Variants in IQCM observed in about 807,000 individuals in gnomAD.
IQCM encodes IQ domain-containing protein M.
A neutral mutation model predicts 57.6 loss-of-function variants in IQCM; 45 were observed. That is an observed-to-expected ratio of 0.78 (90% CI 0.62 to 1.00). The LOEUF is 1.00. Ranked by LOEUF, IQCM falls within the 50% of genes least tolerant of loss-of-function variation. IQCM has a pLI of 0.00. For synonymous variants in IQCM, 148 were observed against 158.9 expected (o/e 0.93, Z 0.51); for missense variants, 468 against 511.6 (o/e 0.91, Z 0.82).
intron 5 of IQCM, among the ~76,000 whole-genome samples, chr4:149,717,242 G>A (rs1405556939): frequency 6.6e-6 from 1 of 152,114 alleles, no homozygotes; most frequent in African/African-American, 2.4e-5. Flanking sequence ...GAAGTGACGG[G>A]CAGTTTGAGG....
intron 13 of IQCM, among the ~76,000 whole-genome samples, chr4:149,372,610 C>T (rs907551601): frequency 1.3e-5 from 2 of 152,112 alleles, no homozygotes; most frequent in African/African-American, 4.8e-5. Flanking sequence ...ATTGGGTTTT[C>T]TGACCATAAC....
chr4:149,617,200 C>T (rs979870271), intron 8 of IQCM, among the ~76,000 whole-genome samples: 1 of 152,082 alleles, frequency 6.6e-6, no homozygotes, highest in Non-Finnish European at 1.5e-5. Context: ...GGTGATCCAC[C>T]TGCCTCAGCC....
intron 12 of IQCM, among the ~76,000 whole-genome samples, chr4:149,499,808 A>G (rs184571279): frequency 9.3e-4 from 141 of 152,320 alleles, no homozygotes; most frequent in Non-Finnish European, 1.2e-3. Flanking sequence ...TAGACTGACT[A>G]AAATAGTAGA....
intron 12 of IQCM, among the ~76,000 whole-genome samples, chr4:149,449,405 T>TTA (rs945492212): frequency 1.4e-5 from 2 of 144,806 alleles, no homozygotes; most frequent in Non-Finnish European, 3.0e-5. Context: ...ATATTTATAT[T>TTA]TATATATATA....
intron 5 of IQCM, among the ~76,000 whole-genome samples, chr4:149,728,588 T>C (rs1284424920): frequency 6.6e-6 from 1 of 152,208 alleles, no homozygotes; most frequent in Non-Finnish European, 1.5e-5. Flanking sequence ...GGGAGCCACA[T>C]TGGGAGGAGA....
chr4:149,378,712 G>C (rs1181888772), intron 13 of IQCM, among the ~76,000 whole-genome samples: 1 of 152,188 alleles, frequency 6.6e-6, no homozygotes, highest in Non-Finnish European at 1.5e-5. Flanking sequence ...TTTGCAGCCT[G>C]ACAATGTAAT....
intron 11 of IQCM, among the ~76,000 whole-genome samples, chr4:149,551,404 A>G (rs1302218844): frequency 1.3e-5 from 2 of 152,244 alleles, no homozygotes; most frequent in African/African-American, 4.8e-5. Flanking sequence ...GGATGCAAAA[A>G]TATTGAAATC....
chr4:149,584,416 C>T (rs760162525), intron 9 of IQCM, among the ~76,000 whole-genome samples: 4 of 151,448 alleles, frequency 2.6e-5, no homozygotes, highest in African/African-American at 9.7e-5. Context: ...AAATGTTGAG[C>T]ATAGGTGTAT....
intron 12 of IQCM, among the ~76,000 whole-genome samples, chr4:149,440,664 G>A (rs982608079): frequency 3.3e-5 from 5 of 152,050 alleles, no homozygotes; most frequent in South Asian, 2.1e-4. Flanking sequence ...GTAATACCAC[G>A]CTATTTCAGT....
At chr4:149,740,615 C>A (rs1330334550) in intron 3 of IQCM, among the ~76,000 whole-genome samples, 1 of 152,104 alleles carries the variant, frequency 6.6e-6, no homozygotes, top group Admixed American at 6.6e-5. Flanking sequence ...GGAAGCCAGG[C>A]TAAGGCAGTG....
At chr4:149,451,702 T>C (rs1737139642) in intron 12 of IQCM, among the ~76,000 whole-genome samples, 1 of 151,762 alleles carries the variant, frequency 6.6e-6, no homozygotes, top group Non-Finnish European at 1.5e-5. Flanking sequence ...AGCTTTTTTC[T>C]CGTAAATTTT....
At chr4:149,760,444 T>C (rs1405126032) in intron 2 of IQCM, among the ~76,000 whole-genome samples, 2 of 152,082 alleles carry the variant, frequency 1.3e-5, no homozygotes, top group Non-Finnish European at 2.9e-5. Context: ...GTGAACTTAA[T>C]TGTCCTTTTA....
chr4:149,358,880 A>ATATACTCTCATGAGTATCTCAT, intron 13 of IQCM, among the ~76,000 whole-genome samples: 1 of 151,094 alleles, frequency 6.6e-6, no homozygotes, highest in Non-Finnish European at 1.5e-5. Flanking sequence ...GTATATCATG[A>ATATACTCTCATGAGTATCTCAT]GACCACAGTG....
At chr4:149,491,098 A>C (rs1409098503) in intron 12 of IQCM, among the ~76,000 whole-genome samples, 2 of 151,998 alleles carry the variant, frequency 1.3e-5, no homozygotes, top group Non-Finnish European at 2.9e-5. Context: ...CCTAGGCCTA[A>C]ATTACCAGCT....
chr4:149,591,205 A>C (rs1447100277), intron 8 of IQCM, among the ~76,000 whole-genome samples: 1 of 152,066 alleles, frequency 6.6e-6, no homozygotes, highest in Non-Finnish European at 1.5e-5. Context: ...TCTTTCTAAA[A>C]AAGCACCTGT....
At chr4:149,441,670 T>A (rs1293785494) in intron 12 of IQCM, among the ~76,000 whole-genome samples, 2 of 152,180 alleles carry the variant, frequency 1.3e-5, no homozygotes, top group African/African-American at 4.8e-5. Context: ...AGTGTTCTAC[T>A]GATTTAAATT....
intron 2 of IQCM, among the ~76,000 whole-genome samples, chr4:149,763,003 C>T (rs1192953548): frequency 6.6e-6 from 1 of 151,996 alleles, no homozygotes; most frequent in Non-Finnish European, 1.5e-5. Flanking sequence ...GTTCCATGCT[C>T]CTATAACTTC....
chr4:149,548,753 C>T (rs898649883), intron 11 of IQCM, among the ~76,000 whole-genome samples, 164 bp from the exon 12 acceptor site: 2 of 152,148 alleles, frequency 1.3e-5, no homozygotes, highest in Admixed American at 1.3e-4. Context: ...ATGTTTCTCT[C>T]TCCTCACATT....
chr4:149,514,259 C>T (rs779201093), intron 12 of IQCM, among the ~76,000 whole-genome samples: 15 of 152,244 alleles, frequency 9.9e-5, no homozygotes, highest in Non-Finnish European at 1.6e-4. Flanking sequence ...TTCTTAATCA[C>T]GTGAAAATTT....
Sources: allele counts gnomAD v4.1 joint callset (sites outside exome capture counted in the v4.1 genomes callset), GRCh38; gene constraint gnomAD v4.1.1; transcripts MANE v1.5; gene names NCBI Gene and HGNC (gene_info 2026-07-23, HGNC 2026-07-21).